Variants in ALKBH1 observed in about 807,000 individuals in gnomAD.
The protein encoded by ALKBH1 is nucleic acid dioxygenase ALKBH1.
In ALKBH1, 31 loss-of-function variants were observed where a neutral mutation model predicts 36.6. The observed-to-expected ratio is 0.85, with a 90% CI of 0.64 to 1.14. The LOEUF is 1.14. Among genes scored for constraint, ALKBH1 ranks in the 50% most tolerant of loss-of-function variants. The probability of loss-of-function intolerance (pLI) is 0.00; values close to 1 mark genes in which losing one functional copy is unlikely to be tolerated. For missense variants in ALKBH1, 490 were observed against 497.3 expected (o/e 0.99, Z 0.14); for synonymous variants, 183 against 186.6 (o/e 0.98, Z 0.16).
chr14:77,673,840 T>C lies in ALKBH1; in HGVS notation c.1142A>G (p.Lys381Arg). The change falls in exon 6 of 6, where the codon AAA becomes AGA. Residue 381 changes from lysine to arginine, a missense_variant. Lys to Arg is a conservative substitution (Grantham distance 26). Coordinates refer to ENST00000216489, the MANE Select transcript of ALKBH1 (RefSeq NM_006020.3). ...CHLDDQNSEVKRARINPDS is the reference protein window; with the variant it reads ...CHLDDQNSEVRRARINPDS ...GCTGTCAGGGTTTATCCTGGCCCGT[T>C]TTACTTCGCTATTCTGGTCATCCAG... 1 of 1,613,918 alleles carries C rather than the reference T, an allele frequency of 6.2e-7. No homozygotes were observed. Among genetic ancestry groups the C allele is most frequent in the Non-Finnish European group, 8.5e-7 (1 of 1,179,904 alleles).
chr14:77,675,481 C>T (rs1007446255), intron 5 of ALKBH1, among the ~76,000 whole-genome samples, 175 bp downstream of exon 5: 2 of 151,940 alleles, frequency 1.3e-5, no homozygotes, highest in Non-Finnish European at 2.9e-5. Flanking sequence ...AGGTAGGCTC[C>T]ATGTGTCTTA....
In ALKBH1 at chr14:77,697,380, G is replaced by A. The variant is rs117310334; in HGVS notation, c.293-2480C>T. On this transcript the variant is annotated intron_variant, in intron 2 of 5. Coordinates refer to ENST00000216489, the MANE Select transcript of ALKBH1 (RefSeq NM_006020.3). ...GCATGACCTCAGCTGGAGCAATGAC[G>A]GGCAATGGAGCTGCACATGCTCGCA... The A allele has an allele frequency of 5.5e-3, 899 of 162,606 alleles. 5 individuals are homozygous for A. Among genetic ancestry groups the A allele is most frequent in the Non-Finnish European group, 8.0e-3 (592 of 73,870 alleles). The allele number at this position is 162,606 out of a possible 1,614,324, so 10.1% of individuals were successfully genotyped here. A position where few individuals can be genotyped will look rare whatever the true frequency, so the allele number is the denominator to read the frequency against.
chr14:77,707,594 T>G (rs745665885), intron 1 of ALKBH1, among the ~76,000 whole-genome samples: 2 of 152,154 alleles, frequency 1.3e-5, no homozygotes, highest in Admixed American at 6.5e-5. Flanking sequence ...CCCAGGCTCT[T>G]TTGACTGAGC....
intron 2 of ALKBH1, 95 bp from the exon 3 acceptor site, chr14:77,694,995 T>C (rs1186307378): frequency 2.7e-5 from 29 of 1,088,670 alleles, no homozygotes; most frequent in Non-Finnish European, 3.3e-5. Flanking sequence ...TATTTTGTTA[T>C]TTACTCCCCA....
intron 4 of ALKBH1, among the ~76,000 whole-genome samples, chr14:77,676,983 C>T (rs1001389470): frequency 1.3e-5 from 2 of 151,962 alleles, no homozygotes; most frequent in Non-Finnish European, 2.9e-5. Context: ...CTGTTTTTTA[C>T]ACCTAAGGAT....
chr14:77,681,469 G>C (rs1442285579), intron 3 of ALKBH1, among the ~76,000 whole-genome samples: 4 of 152,208 alleles, frequency 2.6e-5, no homozygotes, highest in African/African-American at 9.6e-5. Flanking sequence ...CACTCATCTT[G>C]ATGTTTGACG....
rs2080188803 is a variant in ALKBH1, at chr14:77,673,753, A to G, written c.*59T>C. 10 of 1,535,908 alleles carry G rather than the reference A, an allele frequency of 6.5e-6. No homozygotes were observed. In the South Asian group the frequency reaches 9.9e-5, roughly 15 times the overall value. On this transcript the variant is annotated 3_prime_UTR_variant, in exon 6 of 6. Coordinates refer to ENST00000216489, the MANE Select transcript of ALKBH1 (RefSeq NM_006020.3). The stretch of plus-strand genomic sequence containing the variant: ...GTGCTGAAGTCCACGGCAATACACA[A>G]TAACATGATCATTTACGGTAAGCAG...
chr14:77,685,590 C>A (rs979222019), intron 3 of ALKBH1, among the ~76,000 whole-genome samples: 5 of 152,176 alleles, frequency 3.3e-5, no homozygotes, highest in Admixed American at 3.3e-4. Context: ...CCAGCCTGGG[C>A]AACATGGTGA....
At chr14:77,679,739 A>G in intron 4 of ALKBH1, 141 bp downstream of exon 4, 1 of 665,398 alleles carries the variant, frequency 1.5e-6, no homozygotes, top group Middle Eastern at 3.8e-4. Context: ...CCCAGTTGAG[A>G]TTTTTTAAGG....
intron 3 of ALKBH1, chr14:77,683,520 G>A: frequency 3.0e-6 from 2 of 656,990 alleles, no homozygotes; most frequent in Non-Finnish European, 5.6e-6. Context: ...AACATTTATG[G>A]GCCATTCCTT....
At chr14:77,699,926 G>A (rs1477880181) in intron 2 of ALKBH1, among the ~76,000 whole-genome samples, 1 of 151,946 alleles carries the variant, frequency 6.6e-6, no homozygotes, top group Non-Finnish European at 1.5e-5. Context: ...GTGGTGGCGG[G>A]CGCCTGTAGT....
At position 77,678,724 on chromosome 14, in the gene ALKBH1, G is replaced by A. The variant is rs376647808; in HGVS notation, c.546+1156C>T. Reference sequence around the variant, plus strand: ...GGCATCTTCTAAAGCATAGAGGATAGGAAAGAAGAAATCGTAGCTCAAGAA... The same window carrying A: ...GGCATCTTCTAAAGCATAGAGGATAAGAAAGAAGAAATCGTAGCTCAAGAA... On this transcript the variant is annotated intron_variant, in intron 4 of 5. Transcript: ENST00000216489. Among the ~76,000 whole-genome samples, 3 of 152,172 alleles carry A rather than the reference G, an allele frequency of 2.0e-5. No individual in the cohort carries two copies. In the East Asian group the frequency reaches 5.8e-4, roughly 29 times the overall value.
chr14:77,707,942 GTCC>G lies in ALKBH1; in HGVS notation c.60_62del (p.Glu20del). 1 of 1,613,234 alleles carries G rather than the reference GTCC, an allele frequency of 6.2e-7. No homozygotes were observed. Among genetic ancestry groups the G allele is most frequent in the South Asian group, 1.1e-5 (1 of 91,064 alleles). On this transcript the variant is annotated inframe_deletion, in exon 1 of 6. Coordinates refer to ENST00000216489, the MANE Select transcript of ALKBH1 (RefSeq NM_006020.3). Reference sequence around the variant, plus strand: ...AGAAGCGGAAAAGTTTCCGAAAGGCGTCCTCCCCGGGCTCAGTCGCCAGAGTCG... The same window carrying G: ...AGAAGCGGAAAAGTTTCCGAAAGGCGTCCCCGGGCTCAGTCGCCAGAGTCG...
At chr14:77,702,303 A>C (rs1047260034) in intron 2 of ALKBH1, among the ~76,000 whole-genome samples, 12 of 152,092 alleles carry the variant, frequency 7.9e-5, no homozygotes, top group Admixed American at 7.2e-4. Context: ...TCTGTCTCAA[A>C]ATAAATAAAT....
chr14:77,683,143 TAA>T (rs1002661167), intron 3 of ALKBH1: 70 of 509,236 alleles, frequency 1.4e-4, no homozygotes, highest in Non-Finnish European at 2.2e-4. Flanking sequence ...CACCAAGCTG[TAA>T]AGTCTTTTTT....
At chr14:77,692,196 A>G (rs1566815290) in intron 3 of ALKBH1, among the ~76,000 whole-genome samples, 1 of 152,212 alleles carries the variant, frequency 6.6e-6, no homozygotes, top group Non-Finnish European at 1.5e-5. Flanking sequence ...TCCTCATACT[A>G]TTCAATAAGG....
At position 77,699,905 on chromosome 14, in the gene ALKBH1, A is replaced by T. The variant is rs989927236; in HGVS notation, c.292+4464T>A. ...CCGTCTCTACTAAAAAATACAAAAA[A>T]TTAGCTGGGCGTGGTGGCGGGCGCC... On this transcript the variant is annotated intron_variant, in intron 2 of 5. Coordinates refer to ENST00000216489, the MANE Select transcript of ALKBH1 (RefSeq NM_006020.3). Among the ~76,000 whole-genome samples, 87 of 152,124 alleles carry T rather than the reference A, an allele frequency of 5.7e-4. 1 individual carries two copies. Among genetic ancestry groups the T allele is most frequent in the African/African-American group, 2.0e-3 (82 of 41,532 alleles).
intron 3 of ALKBH1, among the ~76,000 whole-genome samples, chr14:77,690,031 T>C (rs927727958): frequency 6.6e-6 from 1 of 152,036 alleles, no homozygotes; most frequent in Non-Finnish European, 1.5e-5. Context: ...AGCAAGAAGA[T>C]AAAGAATGAG....
At chr14:77,682,796 G>C (rs1037360918) in intron 3 of ALKBH1, among the ~76,000 whole-genome samples, 4 of 152,004 alleles carry the variant, frequency 2.6e-5, no homozygotes, top group Non-Finnish European at 5.9e-5. Context: ...CTCCCAGGTT[G>C]AAGTGATTCT....
Sources: allele counts gnomAD v4.1 joint callset (sites outside exome capture counted in the v4.1 genomes callset), GRCh38; gene constraint gnomAD v4.1.1; transcripts MANE v1.5; gene names NCBI Gene and HGNC (gene_info 2026-07-23, HGNC 2026-07-21).